CEP41: variants seen among roughly 807,000 people sequenced by gnomAD.
The protein encoded by CEP41 is centrosomal protein of 41 kDa.
In CEP41, 32 loss-of-function variants were observed where a neutral mutation model predicts 44.3. The observed-to-expected ratio is 0.72, with a 90% confidence interval of 0.54 to 0.97. CEP41 has a LOEUF of 0.97. Among genes scored for constraint, CEP41 ranks in the 50% least tolerant of loss-of-function variants. The pLI is 0.00. For missense variants in CEP41, 432 were observed against 455.2 expected (o/e 0.95, Z 0.46); for synonymous variants, 151 against 168.5 (o/e 0.90, Z 0.80).
chr7:130,394,623 C>T lies in CEP41; in HGVS notation c.*4268G>A, dbSNP rs779584567. On this transcript the variant is annotated 3_prime_UTR_variant, in exon 11 of 11. Coordinates refer to ENST00000223208, the MANE Select transcript of CEP41 (RefSeq NM_018718.3). ...AAAAACCTCAGGGTTTTGAATGCCT[C>T]GCCCACAAAGGCAGGATACACAAGG... The T allele has an allele frequency of 4.4e-6, 2 of 453,442 alleles. No individual in the cohort carries two copies. The highest frequency in any genetic ancestry group is 4.7e-5 in the Admixed American group (2 of 42,526). The allele number at this position is 453,442 out of a possible 1,614,324, so 28.1% of individuals were successfully genotyped here.
chr7:130,437,825 A>G (rs1203786205), intron 1 of CEP41, among the ~76,000 whole-genome samples: 1 of 151,606 alleles, frequency 6.6e-6, no homozygotes, highest in Non-Finnish European at 1.5e-5. Context: ...ATTTTCAACC[A>G]ATAATTCTAT....
chr7:130,396,130 A>C lies in CEP41; in HGVS notation c.*2761T>G, dbSNP rs1265786659. The C allele has an allele frequency of 1.1e-5, 5 of 453,236 alleles. No homozygotes were observed. Among genetic ancestry groups the C allele is most frequent in the African/African-American group, 6.0e-5 (3 of 49,710 alleles). 28.1% of individuals were successfully genotyped at this position (453,236 alleles called of 1,614,324 possible). A position where few individuals can be genotyped will look rare whatever the true frequency, so the allele number is the denominator to read the frequency against. ...TCTTTTCTCCCTTCCTTAAACACAA[A>C]CCCCTTTAAAGCATTTAAGGTATTA... On this transcript the variant is annotated 3_prime_UTR_variant, in exon 11 of 11. Transcript: ENST00000223208.
chr7:130,411,174 G>C lies in CEP41; in HGVS notation c.225C>G (p.Ser75=). 1.2e-6 allele frequency: 2 copies of C among 1,613,852 alleles called. No individual in the cohort carries two copies. The highest frequency in any genetic ancestry group is 1.7e-6 in the Non-Finnish European group (2 of 1,179,772). ...TCACTTCCAGTGTTTGATCAGAGAG[G>C]GAAGCAACTTGGATGATCTGATAGA... is the stretch of plus-strand genomic sequence containing the variant. ...TFAQLIIQVA[S]LSDQTLEVTA... Residue 75 remains serine (S), a synonymous_variant, in exon 5 of 11, where the codon TCC becomes TCG. Coordinates refer to ENST00000223208, the MANE Select transcript of CEP41 (RefSeq NM_018718.3).
intron 5 of CEP41, among the ~76,000 whole-genome samples, chr7:130,408,126 A>G (rs748197143): frequency 3.9e-5 from 6 of 152,164 alleles, no homozygotes; most frequent in Non-Finnish European, 7.3e-5. Context: ...TATATTAAAC[A>G]CTTTCACGTA....
intron 1 of CEP41, among the ~76,000 whole-genome samples, chr7:130,439,087 C>T (rs1554426881): frequency 6.6e-6 from 1 of 152,126 alleles, no homozygotes; most frequent in Non-Finnish European, 1.5e-5. Context: ...CCTCTGTCAC[C>T]CCTAAGGCAG....
intron 7 of CEP41, 116 bp downstream of exon 7, chr7:130,402,532 G>A: frequency 8.9e-7 from 1 of 1,127,968 alleles, no homozygotes; most frequent in Non-Finnish European, 1.3e-6. Flanking sequence ...AATGGATCCA[G>A]CTAACATACG....
chr7:130,412,086 C>T, intron 4 of CEP41, 93 bp downstream of exon 4: 1 of 793,798 alleles, frequency 1.3e-6, no homozygotes, highest in African/African-American at 1.7e-5. Context: ...GAAGAAACTC[C>T]TCTGCAAACT....
intron 1 of CEP41, 55 bp downstream of exon 1, chr7:130,440,879 G>GCAGGGTGCGCCCGCCC (rs1554427469): frequency 2.5e-6 from 4 of 1,594,418 alleles, no homozygotes; most frequent in Non-Finnish European, 3.4e-6. Flanking sequence ...GCCCACATGA[G>GCAGGGTGCGCCCGCCC]CCTTTTCCGG....
At chr7:130,438,553 T>C (rs1444722992) in intron 1 of CEP41, among the ~76,000 whole-genome samples, 1 of 152,068 alleles carries the variant, frequency 6.6e-6, no homozygotes, top group Non-Finnish European at 1.5e-5. Flanking sequence ...AGTGAGACTC[T>C]GTCTCAAAAA....
At chr7:130,438,361 C>G (rs557544833) in intron 1 of CEP41, among the ~76,000 whole-genome samples, 1 of 152,042 alleles carries the variant, frequency 6.6e-6, no homozygotes, top group Non-Finnish European at 1.5e-5. Context: ...AAGTTTGAGA[C>G]CAGACTGGGC....
At chr7:130,401,561 A>C (rs1554416916) in intron 8 of CEP41, among the ~76,000 whole-genome samples, 3 of 152,148 alleles carry the variant, frequency 2.0e-5, no homozygotes, top group African/African-American at 4.8e-5. Context: ...AAAATTTTAA[A>C]GGAAAAAATT....
At chr7:130,415,274 T>A (rs763201227) in intron 3 of CEP41, among the ~76,000 whole-genome samples, 3 of 152,208 alleles carry the variant, frequency 2.0e-5, no homozygotes, top group Non-Finnish European at 4.4e-5. Flanking sequence ...AGTAAAGTGA[T>A]GGGTCTAGGG....
intron 5 of CEP41, among the ~76,000 whole-genome samples, chr7:130,410,651 C>T (rs1273076879): frequency 2.0e-5 from 3 of 152,172 alleles, no homozygotes; most frequent in Non-Finnish European, 4.4e-5. Flanking sequence ...ATACAGCCAA[C>T]AAACGATGGT....
intron 2 of CEP41, among the ~76,000 whole-genome samples, chr7:130,423,856 G>C (rs1797582383): frequency 6.6e-6 from 1 of 152,224 alleles, no homozygotes; most frequent in East Asian, 1.9e-4. Context: ...AAAGAAGCCA[G>C]ACATAAAAGG....
At position 130,402,641 on chromosome 7, in the gene CEP41, C is replaced by G; in HGVS notation, c.574+7G>C. On this transcript the variant is annotated splice_region_variant and intron_variant, in intron 7 of 10. Coordinates refer to ENST00000223208, the MANE Select transcript of CEP41 (RefSeq NM_018718.3). ...AGTGAGGCACTTTAAAGCCTTCTCT[C>G]TCTTACCTCCAACAATGTGGCACTG... 1 of 1,614,056 alleles carries G rather than the reference C, an allele frequency of 6.2e-7. No individual in the cohort carries two copies. The highest frequency in any genetic ancestry group is 1.1e-5 in the South Asian group (1 of 91,074).
In CEP41 at chr7:130,394,773, T is replaced by A. The variant is rs1554413845; in HGVS notation, c.*4118A>T. The A allele has an allele frequency of 2.2e-6, 1 of 454,090 alleles. No homozygotes were observed. The highest frequency in any genetic ancestry group is 2.3e-5 in the Admixed American group (1 of 42,558). The allele number at this position is 454,090 out of a possible 1,614,324, so 28.1% of individuals were successfully genotyped here. A position where few individuals can be genotyped will look rare whatever the true frequency, so the allele number is the denominator to read the frequency against. On this transcript the variant is annotated 3_prime_UTR_variant, in exon 11 of 11. Coordinates refer to ENST00000223208, the MANE Select transcript of CEP41 (RefSeq NM_018718.3). ...TTCAATTCATTTATTCATGAACACT[T>A]ATTAAGGGCCACTGTCACAGGGTTG...
At chr7:130,415,591 T>C (rs986094605) in intron 3 of CEP41, among the ~76,000 whole-genome samples, 1 of 152,244 alleles carries the variant, frequency 6.6e-6, no homozygotes, top group African/African-American at 2.4e-5. Flanking sequence ...AACCACATCG[T>C]ACTTTGAAGA....
In CEP41 at chr7:130,401,928, T is replaced by G. The variant is rs1796855782; in HGVS notation, c.595A>C (p.Thr199Pro). ...TAAGGGTTCATTGTTCTAGACAGAG[T>G]TGCAATTGGGTAACTGTAAGCTGCA... ...IVGAYSYPIA[T>P]LSRTMNPYSN... The change falls in exon 8 of 11, where the codon ACT (threonine) becomes CCT (proline). Residue 199 changes from threonine (T) to proline (P), a missense_variant. Thr to Pro is a conservative substitution (Grantham distance 38, BLOSUM62 -1). Coordinates refer to ENST00000223208, the MANE Select transcript of CEP41 (RefSeq NM_018718.3). 1.9e-6 allele frequency: 3 copies of G among 1,610,424 alleles called. No homozygotes were observed. The highest frequency in any genetic ancestry group is 1.7e-6 in the Non-Finnish European group (2 of 1,176,738).
chr7:130,441,039 A>T (rs781987752), upstream of CEP41: 10 of 1,533,832 alleles, frequency 6.5e-6, no homozygotes, highest in Non-Finnish European at 7.2e-6. Flanking sequence ...CTACCCCCAC[A>T]ACCTTGTTCA....
Sources: gnomAD v4.1 joint callset for allele counts (sites outside exome capture counted in the v4.1 genomes callset) on GRCh38, gnomAD v4.1.1 for gene constraint, MANE v1.5 for transcripts, NCBI Gene and HGNC (gene_info 2026-07-23, HGNC 2026-07-21) for gene names.